The following RNF220 variants were observed in gnomAD, a reference collection of about 807,000 sequenced individuals.
The protein encoded by RNF220 is E3 ubiquitin-protein ligase RNF220.
A neutral mutation model predicts 67.1 loss-of-function variants in RNF220; 7 were observed. That is an observed-to-expected ratio of 0.10 (90% CI 0.06 to 0.20). RNF220 has a LOEUF of 0.20. RNF220 is among the 10% of genes least tolerant of loss of function. RNF220 has a pLI of 1.00. For missense variants in RNF220, 565 were observed against 740.3 expected, an observed-to-expected ratio of 0.76 and a Z score of 2.75; for synonymous variants, 270 against 283.2, an observed-to-expected ratio of 0.95 and a Z score of 0.47.
At chr1:44,432,895 C>CTTTTTTTTTTTTTTTTTTTTTTTTT (rs759672475) in intron 2 of RNF220, among the ~76,000 whole-genome samples, 1 of 104,412 alleles carries the variant, frequency 9.6e-6, no homozygotes. Context: ...TTCAAATTGG[C>CTTTTTTTTTTTTTTTTTTTTTTTTT]TTTTCTTTTT....
intron 1 of RNF220, chr1:44,410,687 G>C (rs1021513726): frequency 1.1e-4 from 17 of 152,166 alleles, no homozygotes; most frequent in Admixed American, 2.0e-4. Flanking sequence ...AGATACTCCA[G>C]GTGGGCTTTT....
chr1:44,593,483 G>A (rs1421930902), intron 2 of RNF220, among the ~76,000 whole-genome samples: 1 of 152,178 alleles, frequency 6.6e-6, no homozygotes, highest in Non-Finnish European at 1.5e-5. Context: ...CCAGCATTTT[G>A]GGAGGCCAAG....
upstream of RNF220, chr1:44,405,189 A>ATGTGTGCGTGCG (rs1371673409): frequency 3.3e-6 from 1 of 302,404 alleles, no homozygotes; most frequent in Non-Finnish European, 6.1e-6. Context: ...GTGTGAGAGA[A>ATGTGTGCGTGCG]TGTGTGCGTG....
intron 2 of RNF220, among the ~76,000 whole-genome samples, chr1:44,581,096 C>T (rs1665243756): frequency 6.6e-6 from 1 of 152,234 alleles, no homozygotes; most frequent in African/African-American, 2.4e-5. Context: ...TCCGGAAGGA[C>T]TGCCTGTCTG....
At chr1:44,512,772 G>A (rs1445284894) in intron 2 of RNF220, among the ~76,000 whole-genome samples, 1 of 152,204 alleles carries the variant, frequency 6.6e-6, no homozygotes, top group Non-Finnish European at 1.5e-5. Context: ...ATAACCGTCT[G>A]CAGATTTCAG....
At chr1:44,482,701 A>C (rs1655928212) in intron 2 of RNF220, among the ~76,000 whole-genome samples, 1 of 151,926 alleles carries the variant, frequency 6.6e-6, no homozygotes, top group East Asian at 1.9e-4. Flanking sequence ...AGCTCACTGC[A>C]ACCTCTGCCT....
At chr1:44,555,027 C>T (rs570334291) in intron 2 of RNF220, among the ~76,000 whole-genome samples, 1 of 152,132 alleles carries the variant, frequency 6.6e-6, no homozygotes, top group South Asian at 2.1e-4. Flanking sequence ...TCTTCAATGG[C>T]TCATTTTTGC....
At chr1:44,578,997 C>G (rs950213446) in intron 2 of RNF220, among the ~76,000 whole-genome samples, 1 of 151,836 alleles carries the variant, frequency 6.6e-6, no homozygotes, top group South Asian at 2.1e-4. Context: ...AACCCCAACT[C>G]TACTAAAAAT....
intron 8 of RNF220, among the ~76,000 whole-genome samples, chr1:44,638,024 G>A (rs867131712): frequency 2.0e-5 from 3 of 152,242 alleles, no homozygotes; most frequent in Admixed American, 6.5e-5. Context: ...CAGTGGAGCG[G>A]AGGAGGCTGA....
chr1:44,617,752 G>A (rs1353543676), intron 3 of RNF220, among the ~76,000 whole-genome samples: 8 of 152,210 alleles, frequency 5.3e-5, no homozygotes, highest in South Asian at 4.1e-4. Context: ...ACTGAGGCCC[G>A]CAGGAGGGCA....
chr1:44,549,455 T>C (rs75091030), intron 2 of RNF220, among the ~76,000 whole-genome samples: 4,534 of 152,274 alleles, frequency 0.03, 181 homozygotes, highest in East Asian at 0.13. Context: ...CCAAGAGTGA[T>C]AGTCTCTTGC....
intron 2 of RNF220, among the ~76,000 whole-genome samples, chr1:44,596,830 A>G (rs1309634007): frequency 1.3e-5 from 2 of 152,174 alleles, no homozygotes; most frequent in Non-Finnish European, 1.5e-5. Flanking sequence ...TCCGCTCTCA[A>G]CTATGAGGAG....
chr1:44,609,581 C>G lies in RNF220; in HGVS notation c.626-4584C>G, dbSNP rs990844623. ...ATGGCAGGGAAGGGGCAGGTTGTGC[C>G]GGCACTTGAGTTGCCTGTTCCCAAT... On this transcript the variant is annotated intron_variant, in intron 2 of 14. Coordinates refer to ENST00000361799, the MANE Select transcript of RNF220 (RefSeq NM_018150.4). 2.6e-5 allele frequency among the ~76,000 whole-genome samples: 4 copies of G among 152,194 alleles called. 1 individual carries two copies. Among genetic ancestry groups the G allele is most frequent in the Non-Finnish European group, 5.9e-5 (4 of 68,038 alleles).
At chr1:44,517,133 A>G (rs1659515840) in intron 2 of RNF220, among the ~76,000 whole-genome samples, 1 of 152,182 alleles carries the variant, frequency 6.6e-6, no homozygotes, top group African/African-American at 2.4e-5. Flanking sequence ...AGGCATCAGC[A>G]TCTGTCCTCT....
chr1:44,495,005 G>A (rs992549736), intron 2 of RNF220, among the ~76,000 whole-genome samples: 1 of 152,096 alleles, frequency 6.6e-6, no homozygotes, highest in Non-Finnish European at 1.5e-5. Flanking sequence ...TTGAGCCCAG[G>A]AGTTCAAGAC....
chr1:44,561,285 A>T (rs865779731), intron 2 of RNF220, among the ~76,000 whole-genome samples: 7 of 152,038 alleles, frequency 4.6e-5, no homozygotes, highest in Admixed American at 1.3e-4. Context: ...GCCAAGGTGG[A>T]TGGATCACGA....
chr1:44,563,522 C>T (rs928294844), intron 2 of RNF220, among the ~76,000 whole-genome samples: 3 of 152,298 alleles, frequency 2.0e-5, no homozygotes, highest in African/African-American at 7.2e-5. Context: ...ACTCCTCCCT[C>T]GTTCTTGAAA....
intron 2 of RNF220, among the ~76,000 whole-genome samples, chr1:44,586,518 C>T (rs1047959716): frequency 6.6e-6 from 1 of 152,086 alleles, no homozygotes; most frequent in Non-Finnish European, 1.5e-5. Flanking sequence ...CAGGGAGCTG[C>T]TGCGGATGAC....
intron 2 of RNF220, among the ~76,000 whole-genome samples, chr1:44,422,374 A>T (rs1649321296): frequency 6.6e-6 from 1 of 152,184 alleles, no homozygotes; most frequent in South Asian, 2.1e-4. Context: ...GTCTGGACGC[A>T]TGGGCTTCCT....
Sources: allele counts gnomAD v4.1 joint callset (sites outside exome capture counted in the v4.1 genomes callset), GRCh38; gene constraint gnomAD v4.1.1; transcripts MANE v1.5; gene names NCBI Gene and HGNC (gene_info 2026-07-23, HGNC 2026-07-21).